Variants in LUZP2 observed in about 807,000 individuals in gnomAD.
The protein encoded by LUZP2 is leucine zipper protein 2.
In LUZP2, 52 loss-of-function variants were observed where a neutral mutation model predicts 51.6. The observed-to-expected ratio is 1.01, with a 90% confidence interval of 0.81 to 1.27. The LOEUF is 1.27. LUZP2 is among the 50% of genes most tolerant of loss of function. The pLI is 0.00. For missense variants in LUZP2, 436 were observed against 395.4 expected, an observed-to-expected ratio of 1.10 and a Z score of -0.87; for synonymous variants, 154 against 137.3, an observed-to-expected ratio of 1.12 and a Z score of -0.85.
At chr11:24,768,160 G>T (rs535787938) in intron 5 of LUZP2, among the ~76,000 whole-genome samples, 22 of 152,008 alleles carry the variant, frequency 1.4e-4, no homozygotes, top group African/African-American at 4.8e-4. Flanking sequence ...TTGATACAGG[G>T]TCTCACTCTG....
chr11:24,700,056 C>CTTTTTTTTT (rs762849302), intron 1 of LUZP2, among the ~76,000 whole-genome samples: 2 of 95,980 alleles, frequency 2.1e-5, no homozygotes, highest in Non-Finnish European at 3.9e-5. Flanking sequence ...TTTTCCTCAA[C>CTTTTTTTTT]TTTTTTTTTT....
At chr11:24,733,676 G>A (rs1174557926) in intron 3 of LUZP2, among the ~76,000 whole-genome samples, 2 of 151,318 alleles carry the variant, frequency 1.3e-5, no homozygotes, top group Non-Finnish European at 3.0e-5. Context: ...ATTTCAGTTG[G>A]TAAAGAGGAA....
At chr11:24,878,489 C>T (rs1852349795) in intron 5 of LUZP2, among the ~76,000 whole-genome samples, 1 of 151,960 alleles carries the variant, frequency 6.6e-6, no homozygotes, top group African/African-American at 2.4e-5. Context: ...TTTCCTGGAC[C>T]TTTGGGAGTT....
At chr11:24,580,626 A>C (rs1050979647) in intron 1 of LUZP2, among the ~76,000 whole-genome samples, 4 of 152,186 alleles carry the variant, frequency 2.6e-5, no homozygotes, top group Admixed American at 2.6e-4. Context: ...AAATGAGCTC[A>C]GTAATAATTT....
chr11:24,574,363 CTCCT>C (rs1852566573), intron 1 of LUZP2, among the ~76,000 whole-genome samples: 2 of 126,482 alleles, frequency 1.6e-5, no homozygotes, highest in East Asian at 2.5e-4. Context: ...CCCTCCCTCC[CTCCT>C]TCCTTCCTTC....
At position 24,896,681 on chromosome 11, in the gene LUZP2, G is replaced by A. The variant is rs115654879; in HGVS notation, c.397-9310G>A. Among the ~76,000 whole-genome samples, 1,098 of 152,346 alleles carry A rather than the reference G, an allele frequency of 7.2e-3. 10 individuals are homozygous for A. The highest frequency in any genetic ancestry group is 0.022 in the African/African-American group (895 of 41,588). On this transcript the variant is annotated intron_variant, in intron 5 of 11. Transcript: ENST00000336930. ...GGACCGCCCAAGGGTTGAGGAGTGCGGGTGCACCCTACGGGACTGGTGGGC... is the reference window on the plus strand; with the variant it reads ...GGACCGCCCAAGGGTTGAGGAGTGCAGGTGCACCCTACGGGACTGGTGGGC...
intron 9 of LUZP2, among the ~76,000 whole-genome samples, chr11:25,031,158 C>T (rs1051877672): frequency 1.1e-4 from 17 of 149,096 alleles, no homozygotes; most frequent in African/African-American, 3.2e-4. Context: ...ACTACAGGCA[C>T]GTGCCACCAC....
intron 7 of LUZP2, among the ~76,000 whole-genome samples, chr11:24,922,515 A>G (rs1854091239): frequency 6.6e-6 from 1 of 152,190 alleles, no homozygotes; most frequent in South Asian, 2.1e-4. Flanking sequence ...TGTTAAACTA[A>G]TTTTTAATGA....
intron 7 of LUZP2, among the ~76,000 whole-genome samples, chr11:24,915,475 G>C (rs1356337057): frequency 1.3e-5 from 2 of 152,076 alleles, no homozygotes; most frequent in African/African-American, 4.8e-5. Flanking sequence ...TTTTATGAAA[G>C]AGGAGAGTTT....
chr11:24,845,723 C>A (rs939939824), intron 5 of LUZP2, among the ~76,000 whole-genome samples: 1 of 151,436 alleles, frequency 6.6e-6, no homozygotes, highest in African/African-American at 2.4e-5. Context: ...TTTTAAAAAA[C>A]AGGAGTTTTC....
At chr11:24,756,586 G>A (rs1859783437) in intron 4 of LUZP2, among the ~76,000 whole-genome samples, 1 of 152,094 alleles carries the variant, frequency 6.6e-6, no homozygotes, top group Non-Finnish European at 1.5e-5. Flanking sequence ...CTGAGCCTAA[G>A]CAGTGCTAGC....
At chr11:25,045,216 AAG>A (rs1336836858) in intron 9 of LUZP2, among the ~76,000 whole-genome samples, 4 of 152,050 alleles carry the variant, frequency 2.6e-5, no homozygotes, top group Admixed American at 6.6e-5. Context: ...ATAATAATAA[AAG>A]AAAAAAAATG....
At chr11:25,029,474 A>C (rs1282244202) in intron 9 of LUZP2, among the ~76,000 whole-genome samples, 1 of 152,186 alleles carries the variant, frequency 6.6e-6, no homozygotes, top group African/African-American at 2.4e-5. Flanking sequence ...GCAGTGGCTC[A>C]CACCTGTAAT....
chr11:25,015,878 A>G (rs1444971696), intron 9 of LUZP2, among the ~76,000 whole-genome samples: 1 of 150,968 alleles, frequency 6.6e-6, no homozygotes, highest in Non-Finnish European at 1.5e-5. Context: ...CGAATTGTAT[A>G]GTAGTGAAGT....
intron 1 of LUZP2, among the ~76,000 whole-genome samples, chr11:24,693,563 TA>T (rs1238112830): frequency 6.6e-6 from 1 of 151,976 alleles, no homozygotes; most frequent in Non-Finnish European, 1.5e-5. Flanking sequence ...AAAGAAAGTT[TA>T]AAACTCAACA....
intron 5 of LUZP2, among the ~76,000 whole-genome samples, chr11:24,788,258 C>T (rs1056117695): frequency 3.0e-5 from 4 of 134,482 alleles, no homozygotes; most frequent in South Asian, 5.0e-4. Flanking sequence ...GGCACAATCT[C>T]GGTTCACTGC....
intron 1 of LUZP2, among the ~76,000 whole-genome samples, chr11:24,578,298 A>AAAT (rs1246970655): frequency 6.6e-6 from 1 of 152,136 alleles, no homozygotes; most frequent in Admixed American, 6.6e-5. Flanking sequence ...TACTGTCCAG[A>AAAT]AATATTTCAT....
intron 9 of LUZP2, among the ~76,000 whole-genome samples, chr11:25,011,349 G>A (rs1856978732): frequency 6.6e-6 from 1 of 152,026 alleles, no homozygotes; most frequent in Non-Finnish European, 1.5e-5. Context: ...TGACAGCATG[G>A]CTTTGAACTT....
At chr11:24,630,517 C>A (rs980541373) in intron 1 of LUZP2, among the ~76,000 whole-genome samples, 1 of 151,890 alleles carries the variant, frequency 6.6e-6, no homozygotes, top group Admixed American at 6.6e-5. Context: ...TGCTTTATTT[C>A]TGGGTGCTAT....
Sources: allele counts gnomAD v4.1 joint callset (sites outside exome capture counted in the v4.1 genomes callset), GRCh38; gene constraint gnomAD v4.1.1; transcripts MANE v1.5; gene names NCBI Gene and HGNC (gene_info 2026-07-23, HGNC 2026-07-21).